The following GOLGA3 variants were observed in gnomAD, a reference collection of about 807,000 sequenced individuals.
The protein encoded by GOLGA3 is golgin subfamily A member 3.
Under a neutral mutation model 169.4 loss-of-function variants are expected in GOLGA3, and 75 were observed. The ratio of observed to expected loss-of-function variants is 0.44; its 90% CI spans 0.37 to 0.54. The LOEUF is 0.54. Among genes scored for constraint, GOLGA3 ranks in the 20% least tolerant of loss-of-function variants. The pLI is 0.00. For synonymous variants in GOLGA3, 824 were observed against 822.4 expected, an observed-to-expected ratio of 1.00 and a Z score of -0.03; for missense variants, 1,899 against 1,930.0, an observed-to-expected ratio of 0.98 and a Z score of 0.30.
rs745661711 is a variant in GOLGA3, at chr12:132,795,900, C to T, written c.2421G>A (p.Ser807=). Residue 807 remains serine, a synonymous_variant, in exon 11 of 24, where the codon TCG becomes TCA. Transcript: ENST00000450791. ...RRLEEGTEET[S]ETLEKLREEL... ...CTTCTCTTAACTTCTCTAAAGTTTC[C>T]GACGTTTCCTCGGTACCTTCTTCCA... is the stretch of plus-strand genomic sequence containing the variant. 7.1e-5 allele frequency: 115 copies of T among 1,613,968 alleles called. No individual in the cohort carries two copies. The highest frequency in any genetic ancestry group is 9.3e-5 in the Non-Finnish European group (110 of 1,179,978).
At chr12:132,779,800 G>GGCACACACGTGTGT (rs1337387605) in intron 18 of GOLGA3, among the ~76,000 whole-genome samples, 3 of 89,858 alleles carry the variant, frequency 3.3e-5, no homozygotes, top group Non-Finnish European at 6.4e-5. Context: ...ACACACCCCA[G>GGCACACACGTGTGT]GCACACACGT....
At chr12:132,781,846 C>A (rs1334403225) in intron 17 of GOLGA3, among the ~76,000 whole-genome samples, 1 of 152,100 alleles carries the variant, frequency 6.6e-6, no homozygotes, top group Admixed American at 6.5e-5. Flanking sequence ...TTAAGTGCCC[C>A]CTACAAACAA....
chr12:132,773,183 CG>C lies in GOLGA3; in HGVS notation c.4418del (p.Pro1473ArgfsTer48). On this transcript the variant is annotated frameshift_variant, in exon 24 of 24. Coordinates refer to ENST00000450791, the MANE Select transcript of GOLGA3 (RefSeq NM_001389683.1). LOFTEE classifies it low-confidence loss of function (END_TRUNC). ...CGCCGCGTGGGCCGGCGTGACCCCC[CG>C]GGGGCACAGGGCTGGCAGTGGCTGG... ...LEPATASPVP[P>X]GGHAGPRGDP... 2 of 1,585,912 alleles carry C rather than the reference CG, an allele frequency of 1.3e-6. No homozygotes were observed. Among genetic ancestry groups the C allele is most frequent in the South Asian group, 1.1e-5 (1 of 87,706 alleles).
intron 4 of GOLGA3, among the ~76,000 whole-genome samples, chr12:132,810,351 G>A (rs902910706): frequency 6.6e-6 from 1 of 152,086 alleles, no homozygotes; most frequent in Non-Finnish European, 1.5e-5. Context: ...TTGCACGTGT[G>A]GGCGGCAAGC....
rs906993132 is a variant in GOLGA3, at chr12:132,769,096, C to G, written c.*4009G>C. 1.3e-5 allele frequency: 2 copies of G among 152,464 alleles called. No homozygotes were observed. Among genetic ancestry groups the G allele is most frequent in the Admixed American group, 6.5e-5 (1 of 15,274 alleles). 9.4% of individuals were successfully genotyped at this position (152,464 alleles called of 1,614,324 possible). Reference sequence around the variant, plus strand: ...AAATTTTTAATAAAAACAAGTAACTCAAAAGCACTGAATTTTCCAGACCCT... The same window carrying G: ...AAATTTTTAATAAAAACAAGTAACTGAAAAGCACTGAATTTTCCAGACCCT... On this transcript the variant is annotated 3_prime_UTR_variant, in exon 24 of 24. Transcript: ENST00000450791.
chr12:132,796,257 C>T, intron 10 of GOLGA3, 37 bp from the exon 11 acceptor site: 2 of 1,551,674 alleles, frequency 1.3e-6, no homozygotes, highest in Non-Finnish European at 1.7e-6. Flanking sequence ...CTGCGCCTGA[C>T]CCTCCTCCGA....
At position 132,789,278 on chromosome 12, in the gene GOLGA3, C is replaced by A. The variant is rs368311216; in HGVS notation, c.2560G>T (p.Ala854Ser). 57 of 1,594,578 alleles carry A rather than the reference C, an allele frequency of 3.6e-5. No homozygotes were observed. Among genetic ancestry groups the A allele is most frequent in the Non-Finnish European group, 4.3e-5 (51 of 1,175,488 alleles). Residue 854 changes from alanine to serine, a missense_variant, in exon 13 of 24, where the codon GCC (alanine) becomes TCC (serine). Coordinates refer to ENST00000450791, the MANE Select transcript of GOLGA3 (RefSeq NM_001389683.1). ...QFLQQKVMVE[A>S]YRRDATSKDQ... The stretch of plus-strand genomic sequence containing the variant: ...TTGGAGGTGGCGTCGCGCCGGTAGG[C>A]CTCCACCATCACCTGCCAAAGACAG...
rs186153586 is a variant in GOLGA3 at position 132,791,552 on chromosome 12, T to A, written c.2470-259A>T. 5.1e-4 allele frequency among the ~76,000 whole-genome samples: 76 copies of A among 150,294 alleles called. 2 individuals carry two copies. The highest frequency in any genetic ancestry group is 3.0e-4 in the Non-Finnish European group (20 of 67,738). ...ACTGAGGGCTCCAGAAGGGGCCACATCTGCAGCGATGTTACACTGAGGGCT... is the reference window on the plus strand; with the variant it reads ...ACTGAGGGCTCCAGAAGGGGCCACAACTGCAGCGATGTTACACTGAGGGCT... On this transcript the variant is annotated intron_variant, in intron 11 of 23. Transcript: ENST00000450791.
At position 132,784,242 on chromosome 12, in the gene GOLGA3, CT is replaced by C; in HGVS notation, c.3188del (p.Lys1063ArgfsTer7). On this transcript the variant is annotated frameshift_variant, in exon 16 of 24. Coordinates refer to ENST00000450791, the MANE Select transcript of GOLGA3 (RefSeq NM_001389683.1). LOFTEE classifies it high-confidence loss of function. ...AVSHSKTLLE[K>X]ELQEVIALTS... is the part of the protein sequence containing the mutation. ...TCAGCGCTATGACCTCCTGCAGTTCCTTTTCCAGCAGCGTCTTGCTATGACT... is the reference window on the plus strand; with the variant it reads ...TCAGCGCTATGACCTCCTGCAGTTCCTTTCCAGCAGCGTCTTGCTATGACT... 1.9e-6 allele frequency: 3 copies of C among 1,611,272 alleles called. No individual in the cohort carries two copies.
intron 21 of GOLGA3, 94 bp downstream of exon 21, chr12:132,776,531 GCCCAGCGCC>G: frequency 3.1e-6 from 2 of 637,698 alleles, no homozygotes; most frequent in Non-Finnish European, 3.7e-6. Context: ...TCCCGCCTGT[GCCCAGCGCC>G]TCACACACAG....
At chr12:132,791,888 A>C (rs1243386886) in intron 11 of GOLGA3, among the ~76,000 whole-genome samples, 4 of 136,780 alleles carry the variant, frequency 2.9e-5, no homozygotes, top group African/African-American at 1.1e-4. Context: ...ACACATCTGC[A>C]GAGATGTTAC....
Position 132,777,155 on chromosome 12 carries a change from T to G in GOLGA3, c.3723-65A>C, listed in dbSNP as rs1490705783. On this transcript the variant is annotated intron_variant, in intron 19 of 23. Transcript: ENST00000450791. The surrounding 1 kb of genome is among the most constrained non-coding windows in gnomAD (Gnocchi z 4.7). The stretch of plus-strand genomic sequence containing the variant: ...CCTCCAGTGTGCTGTGCCCTCCCGC[T>G]GGGAAATGCTGCCTGTGGAAGGCGT... 1 of 1,504,190 alleles carries G rather than the reference T, an allele frequency of 6.6e-7. No homozygotes were observed. 93.2% of individuals were successfully genotyped at this position (1,504,190 alleles called of 1,614,324 possible).
intron 1 of GOLGA3, chr12:132,827,568 T>A (rs951848602): frequency 6.6e-6 from 1 of 152,232 alleles, no homozygotes; most frequent in Admixed American, 6.5e-5. Flanking sequence ...TAGTTGTTGC[T>A]TGTCAAAATC....
intron 9 of GOLGA3, 47 bp from the exon 10 acceptor site, chr12:132,796,747 T>G (rs370454016): frequency 6.3e-7 from 1 of 1,580,192 alleles, no homozygotes; most frequent in South Asian, 1.1e-5. Context: ...ACCTTAATAG[T>G]GAACAGCAGC....
chr12:132,821,779 G>A (rs183122016), intron 2 of GOLGA3, among the ~76,000 whole-genome samples: 1,629 of 147,278 alleles, frequency 0.011, 38 homozygotes, highest in African/African-American at 0.036. Context: ...GCATGAACCC[G>A]GGAGGCGGAG....
chr12:132,802,070 C>A (rs1949154892), intron 7 of GOLGA3, 101 bp from the exon 8 acceptor site: 2 of 861,228 alleles, frequency 2.3e-6, no homozygotes, highest in Non-Finnish European at 3.6e-6. Context: ...CAGGGGAGAC[C>A]AAGAATGAGT....
chr12:132,800,889 G>C (rs769150263), intron 8 of GOLGA3, among the ~76,000 whole-genome samples: 2 of 152,092 alleles, frequency 1.3e-5, no homozygotes, highest in Non-Finnish European at 2.9e-5. Context: ...AGTCTGAGAG[G>C]TTGAGGCTGC....
At chr12:132,774,466 A>G (rs1480698573) in intron 22 of GOLGA3, 146 bp from the exon 23 acceptor site, 1 of 780,704 alleles carries the variant, frequency 1.3e-6, no homozygotes, top group Admixed American at 2.4e-5. Flanking sequence ...GTGGCAGCCC[A>G]GCACGACAGT....
At chr12:132,810,048 C>T (rs1231937891) in intron 4 of GOLGA3, among the ~76,000 whole-genome samples, 3 of 152,116 alleles carry the variant, frequency 2.0e-5, no homozygotes, top group Non-Finnish European at 4.4e-5. Flanking sequence ...AGTTCAAGAC[C>T]AGGCTGGCCA....
Sources: allele counts gnomAD v4.1 joint callset (sites outside exome capture counted in the v4.1 genomes callset), GRCh38; gene constraint gnomAD v4.1.1; non-coding constraint Gnocchi (gnomAD v3.1); transcripts MANE v1.5; gene names NCBI Gene and HGNC (gene_info 2026-07-23, HGNC 2026-07-21).